Variants in DHX37 observed in about 807,000 individuals in gnomAD.
DHX37 encodes probable ATP-dependent RNA helicase DHX37.
In DHX37, 52 loss-of-function variants were observed where a neutral mutation model predicts 134.3. That is an observed-to-expected ratio of 0.39 (90% CI 0.31 to 0.49). DHX37 has a LOEUF of 0.49. Ranked by LOEUF, DHX37 falls within the 20% of genes least tolerant of loss-of-function variation. DHX37 has a pLI of 0.93. For missense variants in DHX37, 1,344 were observed against 1,580.8 expected (o/e 0.85, Z 2.54); for synonymous variants, 634 against 670.7 (o/e 0.95, Z 0.85).
Position 124,975,456 on chromosome 12 carries a change from A to T in DHX37, c.943T>A (p.Ser315Thr). The stretch of plus-strand genomic sequence containing the variant: ...TTCATCTCCTTGGCCACTCGCTGGG[A>T]CATGGCCACGGCGGCCACTCGGCGG... ...EPRRVAAVAMSQRVAKEMNLS... is the reference protein window; with the variant it reads ...EPRRVAAVAMTQRVAKEMNLS... Residue 315 changes from serine to threonine, a missense_variant, in exon 6 of 27, where the codon TCC becomes ACC. Physicochemically the swap from Ser to Thr is moderately conservative, Grantham distance 58 (BLOSUM62 1). Transcript: ENST00000308736. The T allele has an allele frequency of 6.2e-7, 1 of 1,612,988 alleles. No homozygotes were observed. Among genetic ancestry groups the T allele is most frequent in the Non-Finnish European group, 8.5e-7 (1 of 1,179,990 alleles).
chr12:124,965,017 A>G lies in DHX37; in HGVS notation c.1736-11T>C. 1 of 1,588,920 alleles carries G rather than the reference A, an allele frequency of 6.3e-7. No individual in the cohort carries two copies. On this transcript the variant is annotated splice_polypyrimidine_tract_variant and intron_variant, in intron 13 of 26. Coordinates refer to ENST00000308736, the MANE Select transcript of DHX37 (RefSeq NM_032656.4). ...CATCCGGCTGCTCACCTGGAGGGAA[A>G]GCAGAGGTCACTGGCACCCAGGCCG...
Position 124,947,898 on chromosome 12 carries a change from G to C in DHX37, c.3389-11C>G. 6.2e-7 allele frequency: 1 copy of C among 1,610,300 alleles called. No individual in the cohort carries two copies. Among genetic ancestry groups the C allele is most frequent in the Non-Finnish European group, 8.5e-7 (1 of 1,177,750 alleles). On this transcript the variant is annotated splice_polypyrimidine_tract_variant and intron_variant, in intron 26 of 26. Transcript: ENST00000308736. The stretch of plus-strand genomic sequence containing the variant: ...ACTCAGCCAGCAGGTCTGCAGGGGA[G>C]GGAAGGAGGACAGTGTCAGGGTGAC...
chr12:124,962,102 G>A (rs1954277452), intron 15 of DHX37, among the ~76,000 whole-genome samples: 2 of 152,184 alleles, frequency 1.3e-5, no homozygotes, highest in Admixed American at 1.3e-4. Flanking sequence ...CAGCTACTTG[G>A]GAGGCTGAGG....
At position 124,988,897 on chromosome 12, in the gene DHX37, C is replaced by T. The variant is rs1594519205; in HGVS notation, c.106+20G>A. 3 of 1,306,598 alleles carry T rather than the reference C, an allele frequency of 2.3e-6. No individual in the cohort carries two copies. Among genetic ancestry groups the T allele is most frequent in the Non-Finnish European group, 3.0e-6 (3 of 1,013,650 alleles). The allele number at this position is 1,306,598 out of a possible 1,614,324, so 80.9% of individuals were successfully genotyped here. A position where few individuals can be genotyped will look rare whatever the true frequency, so the allele number is the denominator to read the frequency against. On this transcript the variant is annotated intron_variant, in intron 1 of 26. Transcript: ENST00000308736. ...CCTGGGAAATCTCCGAAATCCAGCC[C>T]CGGTCCGGGGATGTCTTACCCTCCA... is the stretch of plus-strand genomic sequence containing the variant.
intron 15 of DHX37, among the ~76,000 whole-genome samples, chr12:124,963,421 A>G (rs1014027726): frequency 6.6e-6 from 1 of 152,152 alleles, no homozygotes; most frequent in Non-Finnish European, 1.5e-5. Context: ...AAGTTCTGAC[A>G]TTGATTGTGG....
In DHX37 at chr12:124,960,327, C is replaced by A. The variant is rs138045901; in HGVS notation, c.2142G>T (p.Ala714=). 2 of 1,613,602 alleles carry A rather than the reference C, an allele frequency of 1.2e-6. No homozygotes were observed. Among genetic ancestry groups the A allele is most frequent in the Non-Finnish European group, 1.7e-6 (2 of 1,179,660 alleles). The change falls in exon 16 of 27, where the codon GCG becomes GCT. Residue 714 remains alanine, a synonymous_variant. Coordinates refer to ENST00000308736, the MANE Select transcript of DHX37 (RefSeq NM_032656.4). ...AGCAACTGACCTTTTCAACGTTGAG[C>A]GCCTTCATTTGAAGGATTAAGTCTT... ...PVEDLILQMK[A]LNVEKVINFP...
intron 6 of DHX37, among the ~76,000 whole-genome samples, chr12:124,973,744 G>T (rs7973940): frequency 1.3e-5 from 2 of 150,502 alleles, no homozygotes; most frequent in African/African-American, 2.4e-5. Flanking sequence ...CGGGTTCAAG[G>T]GATTCTTCTG....
chr12:124,977,045 CAAA>C (rs368454437), intron 5 of DHX37, among the ~76,000 whole-genome samples: 8 of 122,842 alleles, frequency 6.5e-5, no homozygotes, highest in Non-Finnish European at 6.8e-5. Flanking sequence ...GACGCTGTCT[CAAA>C]AAAAAAAAAA....
chr12:124,988,917 C>T lies in DHX37; in HGVS notation c.106G>A (p.Asp36Asn), dbSNP rs765485818. 16 of 1,323,402 alleles carry T rather than the reference C, an allele frequency of 1.2e-5. No homozygotes were observed. Among genetic ancestry groups the T allele is most frequent in the Non-Finnish European group, 1.6e-5 (16 of 1,025,764 alleles). The allele number at this position is 1,323,402 out of a possible 1,614,324, so 82.0% of individuals were successfully genotyped here. Residue 36 changes from aspartate (D) to asparagine (N), a missense_variant and splice_region_variant, in exon 1 of 27, where the codon GAC becomes AAC. Physicochemically the swap from Asp to Asn is conservative, Grantham distance 23. Around this residue, in one of 7 missense-constraint regions of DHX37, gnomAD observed 319 missense variants for 296.1 expected, o/e 1.08. Transcript: ENST00000308736. ...CAGCCCCGGTCCGGGGATGTCTTAC[C>T]CTCCAGTTCCAGCTGCACGGGGGGC... ...EPPPVQLELE[D>N]KDTLKGVDAS...
chr12:124,982,452 C>A, intron 3 of DHX37, 59 bp downstream of exon 3: 1 of 1,595,460 alleles, frequency 6.3e-7, no homozygotes, highest in Non-Finnish European at 8.6e-7. Context: ...ATAACCTGTG[C>A]GCCCTCCCTA....
chr12:124,963,530 G>A (rs962106672), intron 15 of DHX37, among the ~76,000 whole-genome samples: 15 of 152,230 alleles, frequency 9.9e-5, no homozygotes, highest in African/African-American at 2.9e-4. Flanking sequence ...TGATCAAGCT[G>A]TTAACAAACA....
chr12:124,987,778 T>C (rs1243114859), intron 1 of DHX37, among the ~76,000 whole-genome samples: 1 of 152,164 alleles, frequency 6.6e-6, no homozygotes, highest in Non-Finnish European at 1.5e-5. Flanking sequence ...TATTCACTGG[T>C]TGAGCATCCC....
At chr12:124,988,224 C>A (rs1954912102) in intron 1 of DHX37, among the ~76,000 whole-genome samples, 2 of 152,040 alleles carry the variant, frequency 1.3e-5, no homozygotes, top group African/African-American at 2.4e-5. Context: ...GCCAAGACTG[C>A]AGTCCAGGCC....
At chr12:124,956,579 C>T in intron 18 of DHX37, 112 bp downstream of exon 18, 1 of 1,346,564 alleles carries the variant, frequency 7.4e-7, no homozygotes, top group Non-Finnish European at 9.8e-7. Flanking sequence ...ACCTCTACCT[C>T]CTGGGTTCAA....
chr12:124,958,308 G>T (rs1014094444), intron 16 of DHX37, among the ~76,000 whole-genome samples: 8 of 152,186 alleles, frequency 5.3e-5, no homozygotes, highest in African/African-American at 1.9e-4. Flanking sequence ...AGGAACCCAG[G>T]TCTGGGGGAA....
At chr12:124,984,108 G>A (rs538498435) in intron 2 of DHX37, among the ~76,000 whole-genome samples, 1 of 152,338 alleles carries the variant, frequency 6.6e-6, no homozygotes. Context: ...AGCCCAAAAT[G>A]TCTCAAGACA....
chr12:124,965,056 C>T (rs1434709325), intron 13 of DHX37, 50 bp from the exon 14 acceptor site: 6 of 1,557,468 alleles, frequency 3.9e-6, no homozygotes, highest in Non-Finnish European at 4.4e-6. Context: ...CAGATGCCCA[C>T]AGGCAGGAGC....
intron 8 of DHX37, among the ~76,000 whole-genome samples, chr12:124,970,199 C>T (rs981585759): frequency 6.6e-6 from 1 of 152,118 alleles, no homozygotes; most frequent in African/African-American, 2.4e-5. Context: ...GTCTTGAACT[C>T]CTGACCTCAA....
In DHX37 at chr12:124,950,528, C is replaced by T; in HGVS notation, c.3006G>A (p.Gln1002=). The T allele has an allele frequency of 6.4e-7, 1 of 1,561,372 alleles. No homozygotes were observed. Among genetic ancestry groups the T allele is most frequent in the Non-Finnish European group, 8.7e-7 (1 of 1,154,144 alleles). The change falls in exon 23 of 27, where the codon CAG becomes CAA. Residue 1002 remains glutamine, a synonymous_variant. Coordinates refer to ENST00000308736, the MANE Select transcript of DHX37 (RefSeq NM_032656.4). The stretch of plus-strand genomic sequence containing the variant: ...AAGAGGGCAGCAGGGCCGGGATCCA[C>T]TGGACCTCCACGCTAGAGACGCCTG... ...YMKGVSSVEV[Q]WIPALLPSYC...
Sources: gnomAD v4.1 joint callset for allele counts (sites outside exome capture counted in the v4.1 genomes callset) on GRCh38, gnomAD v4.1.1 for gene constraint, gnomAD v4.1.1 regional missense constraint, MANE v1.5 for transcripts, NCBI Gene and HGNC (gene_info 2026-07-23, HGNC 2026-07-21) for gene names.